The following CREB1 variants were observed in gnomAD, a reference collection of about 807,000 sequenced individuals.
CREB1 encodes cyclic AMP-responsive element-binding protein 1.
In CREB1, 2 loss-of-function variants were observed where a neutral mutation model predicts 42.0. That is an observed-to-expected ratio of 0.05 (90% confidence interval 0.02 to 0.15). The LOEUF is 0.15. Ranked by LOEUF, CREB1 falls within the 10% of genes least tolerant of loss-of-function variation. The probability of loss-of-function intolerance (pLI) is 1.00; values close to 1 mark genes in which losing one functional copy is unlikely to be tolerated. For synonymous variants in CREB1, 123 were observed against 139.9 expected, an observed-to-expected ratio of 0.88 and a Z score of 0.85; for missense variants, 199 against 388.9, an observed-to-expected ratio of 0.51 and a Z score of 4.11.
chr2:207,566,221 G>C (rs1187762980), intron 3 of CREB1, among the ~76,000 whole-genome samples: 1 of 152,154 alleles, frequency 6.6e-6, no homozygotes, highest in Non-Finnish European at 1.5e-5. Context: ...TAAAATGAAT[G>C]CCCACTTGGG....
chr2:207,599,895 T>C lies in CREB1; in HGVS notation c.*2837T>C, dbSNP rs2086748644. ...TCATAGGAATTTGTACATATGCTAC[T>C]GATTTGCCTAGAAAATAGCAAGTTT... On this transcript the variant is annotated 3_prime_UTR_variant, in exon 8 of 8. Transcript: ENST00000353267. 1.0e-5 allele frequency: 2 copies of C among 195,758 alleles called. No homozygotes were observed. Among genetic ancestry groups the C allele is most frequent in the South Asian group, 1.9e-4 (1 of 5,204 alleles). 12.1% of individuals were successfully genotyped at this position (195,758 alleles called of 1,614,324 possible). A position where few individuals can be genotyped will look rare whatever the true frequency, so the allele number is the denominator to read the frequency against.
chr2:207,566,228 TG>T (rs376637780), intron 3 of CREB1, among the ~76,000 whole-genome samples: 6 of 152,166 alleles, frequency 3.9e-5, no homozygotes, highest in African/African-American at 1.4e-4. Context: ...AATGCCCACT[TG>T]GGAGAACTGT....
intron 7 of CREB1, among the ~76,000 whole-genome samples, chr2:207,583,585 TTCAATGAGGTTATA>T (rs2083313163): frequency 6.6e-6 from 1 of 152,198 alleles, no homozygotes; most frequent in Non-Finnish European, 1.5e-5. Context: ...CTCCACCCCT[TTCAATGAGGTTATA>T]TCATATGATT....
At position 207,598,571 on chromosome 2, in the gene CREB1, G is replaced by A. The variant is rs2086551192; in HGVS notation, c.*1513G>A. The A allele has an allele frequency of 5.7e-6, 1 of 176,924 alleles. No individual in the cohort carries two copies. The highest frequency in any genetic ancestry group is 1.2e-5 in the Non-Finnish European group (1 of 82,266). The allele number at this position is 176,924 out of a possible 1,614,324, so 11.0% of individuals were successfully genotyped here. On this transcript the variant is annotated 3_prime_UTR_variant, in exon 8 of 8. Coordinates refer to ENST00000353267, the MANE Select transcript of CREB1 (RefSeq NM_004379.5). ...GTTATAATTTCTCATTTGGAGCCGG[G>A]CGCAGTGGCTCACGCCTGTAATCCC...
chr2:207,569,381 A>AGC lies in CREB1; in HGVS notation c.363-797_363-796dup, dbSNP rs368249542. Among the ~76,000 whole-genome samples, 301 of 152,286 alleles carry AGC rather than the reference A, an allele frequency of 2.0e-3. 2 individuals are homozygous for AGC. Among genetic ancestry groups the AGC allele is most frequent in the African/African-American group, 6.7e-3 (277 of 41,566 alleles). ...ATTGTGCCAGTTTTATACTCCCAGC[A>AGC]GCAATGTATGAGAGTGTGGTGTTTT... On this transcript the variant is annotated intron_variant, in intron 4 of 7. Transcript: ENST00000353267.
intron 1 of CREB1, among the ~76,000 whole-genome samples, chr2:207,535,329 A>T (rs1374090327): frequency 6.6e-6 from 1 of 152,194 alleles, no homozygotes; most frequent in East Asian, 1.9e-4. Flanking sequence ...TACAGTTCTG[A>T]ACAGACTACT....
Position 207,570,274 on chromosome 2 carries a change from C to A in CREB1, c.458C>A (p.Thr153Asn). Residue 153 changes from threonine to asparagine, a missense_variant, in exon 5 of 8, where the codon ACT (threonine) becomes AAT (asparagine). Coordinates refer to ENST00000353267, the MANE Select transcript of CREB1 (RefSeq NM_004379.5). ...EEETSAPAIT[T>N]VTVPTPIYQT... ...GAGACTTCAGCACCTGCCATCACCACTGTAACGGTGCCAACTCCAATTTAC... is the reference window on the plus strand; with the variant it reads ...GAGACTTCAGCACCTGCCATCACCAATGTAACGGTGCCAACTCCAATTTAC... 6.2e-7 allele frequency: 1 copy of A among 1,613,640 alleles called. No homozygotes were observed. The highest frequency in any genetic ancestry group is 8.5e-7 in the Non-Finnish European group (1 of 1,179,676).
At chr2:207,586,161 T>C (rs909274721) in intron 7 of CREB1, among the ~76,000 whole-genome samples, 1 of 152,118 alleles carries the variant, frequency 6.6e-6, no homozygotes, top group African/African-American at 2.4e-5. Flanking sequence ...AAGAACAACA[T>C]GGAAGGCATC....
chr2:207,592,659 G>A (rs573356350), intron 7 of CREB1, among the ~76,000 whole-genome samples: 9 of 152,048 alleles, frequency 5.9e-5, no homozygotes, highest in African/African-American at 2.2e-4. Flanking sequence ...AGTGGCTCAC[G>A]CATGTAATCC....
chr2:207,539,557 A>G (rs1485897453), intron 1 of CREB1, among the ~76,000 whole-genome samples: 1 of 152,212 alleles, frequency 6.6e-6, no homozygotes, highest in Admixed American at 6.5e-5. Context: ...ATACCTAGGT[A>G]TTAAATGAAG....
At chr2:207,534,870 T>C (rs986633696) in intron 1 of CREB1, among the ~76,000 whole-genome samples, 6 of 152,238 alleles carry the variant, frequency 3.9e-5, no homozygotes, top group South Asian at 2.1e-4. Context: ...AATATGTATG[T>C]ACAGTCTCCC....
At chr2:207,543,039 G>A (rs2081157974) in intron 1 of CREB1, among the ~76,000 whole-genome samples, 1 of 152,154 alleles carries the variant, frequency 6.6e-6, no homozygotes, top group South Asian at 2.1e-4. Context: ...GGATGCTTGA[G>A]TCCCTTATAT....
chr2:207,542,169 T>A (rs2081123584), intron 1 of CREB1, among the ~76,000 whole-genome samples: 1 of 152,196 alleles, frequency 6.6e-6, no homozygotes, highest in South Asian at 2.1e-4. Context: ...TCTGAGTATA[T>A]ACTCAGGAAT....
At chr2:207,537,202 C>T (rs1327914477) in intron 1 of CREB1, among the ~76,000 whole-genome samples, 2 of 151,896 alleles carry the variant, frequency 1.3e-5, no homozygotes, top group East Asian at 3.9e-4. Context: ...TTACAGGCGC[C>T]TGCCACCATG....
chr2:207,549,568 G>A (rs185897130), intron 1 of CREB1, among the ~76,000 whole-genome samples: 3 of 152,196 alleles, frequency 2.0e-5, no homozygotes, highest in South Asian at 4.1e-4. Context: ...TTTGAAGGAT[G>A]TAAGAATGTA....
At chr2:207,582,219 A>G (rs1398742829) in intron 7 of CREB1, 1 of 702,260 alleles carries the variant, frequency 1.4e-6, no homozygotes, top group Admixed American at 2.0e-5. Context: ...CACAGTAATT[A>G]GGTGTATTTT....
At chr2:207,560,938 T>G (rs935614167) in intron 3 of CREB1, among the ~76,000 whole-genome samples, 1 of 152,180 alleles carries the variant, frequency 6.6e-6, no homozygotes, top group Admixed American at 6.5e-5. Flanking sequence ...ATCTTTCCTT[T>G]GGGTTTGATC....
intron 2 of CREB1, among the ~76,000 whole-genome samples, chr2:207,557,132 C>T (rs1165468166): frequency 2.0e-5 from 3 of 151,402 alleles, no homozygotes; most frequent in Non-Finnish European, 4.4e-5. Context: ...AACAAGATTC[C>T]CTCTCAAAAA....
At chr2:207,581,206 T>A (rs2082916294) in intron 7 of CREB1, 1 of 205,674 alleles carries the variant, frequency 4.9e-6, no homozygotes, top group South Asian at 1.9e-4. Context: ...TTTTAACAAA[T>A]AATGTCAGAA....
Sources: gnomAD v4.1 joint callset for allele counts (sites outside exome capture counted in the v4.1 genomes callset) on GRCh38, gnomAD v4.1.1 for gene constraint, MANE v1.5 for transcripts, NCBI Gene and HGNC (gene_info 2026-07-23, HGNC 2026-07-21) for gene names.